The following EPB41L4A variants were observed in gnomAD, a reference collection of about 807,000 sequenced individuals.
EPB41L4A encodes erythrocyte membrane protein band 4.1 like 4A.
In EPB41L4A, 100 loss-of-function variants were observed where a neutral mutation model predicts 108.6. That is an observed-to-expected ratio of 0.92 (90% CI 0.78 to 1.09). The LOEUF (loss-of-function observed/expected upper bound fraction) is 1.09, where lower values mean the gene tolerates loss of function less well. EPB41L4A is among the 50% of genes least tolerant of loss of function. The pLI is 0.00. For synonymous variants in EPB41L4A, 319 were observed against 289.0 expected, an observed-to-expected ratio of 1.10 and a Z score of -1.05; for missense variants, 1,030 against 842.7, an observed-to-expected ratio of 1.22 and a Z score of -2.75.
intron 1 of EPB41L4A, among the ~76,000 whole-genome samples, chr5:112,394,743 T>A (rs1170861539): frequency 6.6e-6 from 1 of 152,204 alleles, no homozygotes; most frequent in Non-Finnish European, 1.5e-5. Context: ...AAAACTACTT[T>A]AAAGTTCATA....
At chr5:112,150,849 C>T (rs913697633) in intron 12 of EPB41L4A, among the ~76,000 whole-genome samples, 1 of 152,116 alleles carries the variant, frequency 6.6e-6, no homozygotes, top group Non-Finnish European at 1.5e-5. Context: ...CCAGCAAAAT[C>T]CCTTTCAAAA....
intron 9 of EPB41L4A, among the ~76,000 whole-genome samples, chr5:112,255,338 A>C (rs1751002840): frequency 6.6e-6 from 1 of 152,028 alleles, no homozygotes; most frequent in Non-Finnish European, 1.5e-5. Context: ...TTATTTGTTC[A>C]TTCCCCCGTT....
At chr5:112,334,439 T>C (rs7723364) in intron 1 of EPB41L4A, among the ~76,000 whole-genome samples, 4,816 of 152,264 alleles carry the variant, frequency 0.032, 191 homozygotes, top group African/African-American at 0.085. Context: ...TTGCCATCTA[T>C]TGCCTCTAAA....
chr5:112,332,617 T>C (rs1756638798), intron 1 of EPB41L4A, among the ~76,000 whole-genome samples: 1 of 152,208 alleles, frequency 6.6e-6, no homozygotes, highest in Non-Finnish European at 1.5e-5. Context: ...TTCTTTTCCC[T>C]CTTCCTTTGT....
At chr5:112,305,161 C>T (rs894512371) in intron 2 of EPB41L4A, among the ~76,000 whole-genome samples, 3 of 152,138 alleles carry the variant, frequency 2.0e-5, no homozygotes, top group Non-Finnish European at 2.9e-5. Flanking sequence ...GCTGATTATG[C>T]GAACTTGGGA....
At chr5:112,323,199 T>C (rs1156902111) in intron 1 of EPB41L4A, among the ~76,000 whole-genome samples, 2 of 151,138 alleles carry the variant, frequency 1.3e-5, no homozygotes, top group Admixed American at 1.3e-4. Context: ...AAATAAGACA[T>C]AACTGGAAAG....
At position 112,298,525 on chromosome 5, in the gene EPB41L4A, G is replaced by C. The variant is rs539096755; in HGVS notation, c.204+8861C>G. Among the ~76,000 whole-genome samples the C allele has an allele frequency of 1.2e-4, 18 of 152,046 alleles. 1 individual carries two copies. The highest frequency in any genetic ancestry group is 1.8e-4 in the Non-Finnish European group (12 of 68,004). ...TATGTTAAACCATCCCTGCATTCCT[G>C]GTATGAAACACACTTGATTATGGCG... On this transcript the variant is annotated intron_variant, in intron 2 of 22. Transcript: ENST00000261486.
At chr5:112,253,724 C>A (rs754054862) in intron 9 of EPB41L4A, among the ~76,000 whole-genome samples, 3 of 152,092 alleles carry the variant, frequency 2.0e-5, no homozygotes, top group Non-Finnish European at 4.4e-5. Context: ...AAAGAAGGCA[C>A]AAATAACAAA....
intron 9 of EPB41L4A, among the ~76,000 whole-genome samples, chr5:112,242,232 T>TG (rs752942014): frequency 1.6e-4 from 25 of 152,266 alleles, no homozygotes; most frequent in Non-Finnish European, 2.8e-4. Flanking sequence ...CTTTCAAACT[T>TG]GGAGTTAATC....
chr5:112,393,911 TCC>T (rs1453707422), intron 1 of EPB41L4A, among the ~76,000 whole-genome samples: 2 of 152,040 alleles, frequency 1.3e-5, no homozygotes, highest in Non-Finnish European at 2.9e-5. Context: ...TTGGCTTCAT[TCC>T]TGGATGCAAG....
chr5:112,205,493 G>A lies in EPB41L4A; in HGVS notation c.1190C>T (p.Ala397Val), dbSNP rs1762429094. ...APSPVKSFKKAKNENSPDTQR... is the reference protein window; with the variant it reads ...APSPVKSFKKVKNENSPDTQR... Reference sequence around the variant, plus strand: ...GGTATCAGGGCTATTTTCATTCTTTGCTTTCTTAAAGCTTTAATTTTAAAA... The same window carrying A: ...GGTATCAGGGCTATTTTCATTCTTTACTTTCTTAAAGCTTTAATTTTAAAA... Residue 397 changes from alanine to valine, a missense_variant, in exon 14 of 23, where the codon GCA (alanine) becomes GTA (valine). Coordinates refer to ENST00000261486, the MANE Select transcript of EPB41L4A (RefSeq NM_022140.5). The A allele has an allele frequency of 1.2e-6, 2 of 1,608,642 alleles. No individual in the cohort carries two copies. The highest frequency in any genetic ancestry group is 1.7e-6 in the Non-Finnish European group (2 of 1,178,050).
intron 2 of EPB41L4A, among the ~76,000 whole-genome samples, chr5:112,297,580 GCTGT>G (rs1754078794): frequency 6.6e-6 from 1 of 152,042 alleles, no homozygotes; most frequent in Non-Finnish European, 1.5e-5. Flanking sequence ...CACTCTGTGG[GCTGT>G]CTGTTTACTC....
upstream of EPB41L4A, chr5:112,419,454 C>T (rs750310719): frequency 1.5e-4 from 53 of 361,754 alleles, no homozygotes; most frequent in Non-Finnish European, 1.4e-4. Context: ...TTGGAAAACC[C>T]TGGAAGCGCT....
chr5:112,201,800 G>C (rs1273720715), intron 15 of EPB41L4A, among the ~76,000 whole-genome samples: 1 of 152,130 alleles, frequency 6.6e-6, no homozygotes, highest in African/African-American at 2.4e-5. Context: ...CTGAAGTACA[G>C]TTTATTTAAA....
chr5:112,348,954 G>A (rs551835265), intron 1 of EPB41L4A, among the ~76,000 whole-genome samples: 8 of 152,304 alleles, frequency 5.3e-5, no homozygotes, highest in African/African-American at 1.9e-4. Flanking sequence ...GCTCTGGGGA[G>A]ACAATGTACA....
intron 12 of EPB41L4A, among the ~76,000 whole-genome samples, chr5:112,211,534 G>A (rs1036449834): frequency 6.6e-6 from 1 of 151,416 alleles, no homozygotes; most frequent in Non-Finnish European, 1.5e-5. Flanking sequence ...GTTGTAGTGA[G>A]CTGAGATTGC....
intron 1 of EPB41L4A, among the ~76,000 whole-genome samples, chr5:112,379,230 T>A (rs1432350551): frequency 1.3e-5 from 2 of 152,160 alleles, no homozygotes; most frequent in Non-Finnish European, 2.9e-5. Context: ...AATTAATAAC[T>A]GCAAGTTTTT....
chr5:112,229,347 G>A (rs1047763822), intron 12 of EPB41L4A, among the ~76,000 whole-genome samples: 6 of 152,150 alleles, frequency 3.9e-5, no homozygotes, highest in South Asian at 4.1e-4. Flanking sequence ...CTGGCCCTTC[G>A]TGAAAAACGT....
intron 1 of EPB41L4A, among the ~76,000 whole-genome samples, chr5:112,333,893 C>T (rs1756748676): frequency 6.6e-6 from 1 of 152,156 alleles, no homozygotes; most frequent in South Asian, 2.1e-4. Flanking sequence ...AACCTTAGAT[C>T]ATCTAAAGGA....
Sources: gnomAD v4.1 joint callset for allele counts (sites outside exome capture counted in the v4.1 genomes callset) on GRCh38, gnomAD v4.1.1 for gene constraint, MANE v1.5 for transcripts, NCBI Gene and HGNC (gene_info 2026-07-23, HGNC 2026-07-21) for gene names.